The following KIF5C variants were observed in gnomAD, a reference collection of about 807,000 sequenced individuals.
KIF5C encodes kinesin family member 5C.
Under a neutral mutation model 125.2 loss-of-function variants are expected in KIF5C, and 18 were observed. The ratio of observed to expected loss-of-function variants is 0.14; its 90% CI spans 0.10 to 0.21. KIF5C has a LOEUF of 0.21. KIF5C is among the 10% of genes least tolerant of loss of function. The pLI, the probability that KIF5C is intolerant of heterozygous loss-of-function variation, is 1.00. For synonymous variants in KIF5C, 405 were observed against 434.0 expected, an observed-to-expected ratio of 0.93 and a Z score of 0.83; for missense variants, 780 against 1,183.8, an observed-to-expected ratio of 0.66 and a Z score of 5.01.
chr2:148,895,572 CTT>C (rs1283634071), intron 1 of KIF5C, among the ~76,000 whole-genome samples: 4 of 151,986 alleles, frequency 2.6e-5, no homozygotes, highest in Non-Finnish European at 4.4e-5. Context: ...GTGACTTACT[CTT>C]TTCTCTTAAC....
chr2:148,933,493 C>A (rs1268720930), intron 3 of KIF5C, among the ~76,000 whole-genome samples: 1 of 151,558 alleles, frequency 6.6e-6, no homozygotes. Flanking sequence ...CATATGCACA[C>A]CACGCACATA....
At chr2:148,941,026 G>A (rs1682396459) in intron 4 of KIF5C, among the ~76,000 whole-genome samples, 1 of 152,194 alleles carries the variant, frequency 6.6e-6, no homozygotes, top group Non-Finnish European at 1.5e-5. Context: ...CTGTGGCTGA[G>A]CCTTGAGACT....
chr2:148,925,010 A>G (rs1259171595), intron 2 of KIF5C, among the ~76,000 whole-genome samples: 1 of 152,224 alleles, frequency 6.6e-6, no homozygotes, highest in Non-Finnish European at 1.5e-5. Context: ...CATCACACAC[A>G]TAGGCATTAT....
At chr2:148,947,048 T>G in intron 8 of KIF5C, 25 bp downstream of exon 8, 1 of 1,584,902 alleles carries the variant, frequency 6.3e-7, no homozygotes, top group East Asian at 2.2e-5. Flanking sequence ...ATTTGTATTA[T>G]CTATAATTTT....
chr2:148,895,756 A>G (rs1681821434), intron 1 of KIF5C, among the ~76,000 whole-genome samples: 1 of 151,960 alleles, frequency 6.6e-6, no homozygotes, highest in Non-Finnish European at 1.5e-5. Context: ...TCGAGGTGCC[A>G]AGGTTGGTTT....
In KIF5C at chr2:148,876,398, A is replaced by T. The variant is rs1243005589; in HGVS notation, c.126+655A>T. Among the ~76,000 whole-genome samples the T allele has an allele frequency of 6.6e-6, 1 of 151,954 alleles. No individual in the cohort carries two copies. Among genetic ancestry groups the T allele is most frequent in the Non-Finnish European group, 1.5e-5 (1 of 67,980 alleles). On this transcript the variant is annotated intron_variant, in intron 1 of 25. Transcript: ENST00000435030. The surrounding 1 kb of genome is among the most constrained non-coding windows in gnomAD (Gnocchi z 4.7). Reference sequence around the variant, plus strand: ...TTCCTCTCACGCCTGGCTGCCCTGGATGTGGAGTCCCGGCTTGATCCCTCC... The same window carrying T: ...TTCCTCTCACGCCTGGCTGCCCTGGTTGTGGAGTCCCGGCTTGATCCCTCC...
chr2:148,983,499 T>C (rs1323715097), intron 14 of KIF5C, 121 bp from the exon 15 acceptor site: 2 of 1,326,040 alleles, frequency 1.5e-6, no homozygotes, highest in Non-Finnish European at 2.0e-6. Flanking sequence ...CTTAAAAGGA[T>C]TCTTAGGTTG....
At chr2:148,897,224 T>A (rs914281695) in intron 1 of KIF5C, among the ~76,000 whole-genome samples, 1 of 152,240 alleles carries the variant, frequency 6.6e-6, no homozygotes, top group Admixed American at 6.5e-5. Context: ...GAAGTGACAC[T>A]GTTAATATAT....
chr2:148,979,388 C>T (rs535860665), intron 13 of KIF5C, among the ~76,000 whole-genome samples: 9 of 152,220 alleles, frequency 5.9e-5, no homozygotes, highest in Admixed American at 4.6e-4. Flanking sequence ...ATGATCTTCC[C>T]GCCTAAGACT....
At chr2:148,976,095 C>T (rs528453868) in intron 12 of KIF5C, among the ~76,000 whole-genome samples, 20 of 152,154 alleles carry the variant, frequency 1.3e-4, no homozygotes, top group African/African-American at 4.1e-4. Flanking sequence ...GATCCTGACA[C>T]GAACCAAGCT....
At chr2:148,942,451 A>C (rs550158929) in intron 6 of KIF5C, among the ~76,000 whole-genome samples, 1 of 152,276 alleles carries the variant, frequency 6.6e-6, no homozygotes, top group Non-Finnish European at 1.5e-5. Flanking sequence ...AAAATTTGAC[A>C]GTTCTTTTTT....
intron 1 of KIF5C, among the ~76,000 whole-genome samples, chr2:148,880,922 G>A (rs1314369231): frequency 1.3e-5 from 2 of 150,720 alleles, no homozygotes; most frequent in African/African-American, 4.9e-5. Context: ...AGACAAAACC[G>A]AGTGTAGATT....
chr2:148,914,290 G>A (rs1681458751), intron 1 of KIF5C, among the ~76,000 whole-genome samples: 1 of 152,184 alleles, frequency 6.6e-6, no homozygotes. Flanking sequence ...ACTGTATTTT[G>A]ATCTGAAATG....
intron 25 of KIF5C, among the ~76,000 whole-genome samples, chr2:149,019,683 T>C (rs1682474681): frequency 6.6e-6 from 1 of 152,186 alleles, no homozygotes; most frequent in Non-Finnish European, 1.5e-5. Context: ...ATAAGTAGAG[T>C]ACAATTGGTA....
At chr2:148,885,489 A>G (rs1681491705) in intron 1 of KIF5C, 1 of 152,120 alleles carries the variant, frequency 6.6e-6, no homozygotes, top group Admixed American at 6.5e-5. Flanking sequence ...CATCAACTAC[A>G]TTTGGAGCAA....
rs544218245 is a variant in KIF5C at position 148,960,968 on chromosome 2, G to A, written c.969-1003G>A. ...AGGTGTTCGTTTCTGTGCATGCTGAGCTGAGTCATGGCTTTTGTTTTTGGT... is the reference window on the plus strand; with the variant it reads ...AGGTGTTCGTTTCTGTGCATGCTGAACTGAGTCATGGCTTTTGTTTTTGGT... On this transcript the variant is annotated intron_variant, in intron 10 of 25. Coordinates refer to ENST00000435030, the MANE Select transcript of KIF5C (RefSeq NM_004522.3). 3.9e-5 allele frequency among the ~76,000 whole-genome samples: 6 copies of A among 152,322 alleles called. No homozygotes were observed. The East Asian group carries it at 1.2e-3, about 29-fold the overall frequency.
intron 16 of KIF5C, among the ~76,000 whole-genome samples, chr2:148,991,959 G>A (rs1681538095): frequency 6.6e-6 from 1 of 152,180 alleles, no homozygotes; most frequent in Non-Finnish European, 1.5e-5. Flanking sequence ...ATCTGAGCTT[G>A]GTATTTGGGT....
At chr2:148,967,910 C>T (rs1175982290) in intron 11 of KIF5C, among the ~76,000 whole-genome samples, 2 of 152,142 alleles carry the variant, frequency 1.3e-5, no homozygotes, top group African/African-American at 4.8e-5. Flanking sequence ...ACAGCTCCAG[C>T]TCATGCTAAC....
At chr2:148,968,592 A>G (rs1251967398) in intron 11 of KIF5C, among the ~76,000 whole-genome samples, 3 of 152,112 alleles carry the variant, frequency 2.0e-5, no homozygotes, top group Non-Finnish European at 4.4e-5. Flanking sequence ...TACTAAGAGA[A>G]TGTTGTGGCC....
Sources: gnomAD v4.1 joint callset for allele counts (sites outside exome capture counted in the v4.1 genomes callset) on GRCh38, gnomAD v4.1.1 for gene constraint, Gnocchi (gnomAD v3.1) non-coding constraint, MANE v1.5 for transcripts, NCBI Gene and HGNC (gene_info 2026-07-23, HGNC 2026-07-21) for gene names.